DENND1A: variants seen among roughly 807,000 people sequenced by gnomAD.
DENND1A encodes DENN domain-containing protein 1A.
A neutral mutation model predicts 113.7 loss-of-function variants in DENND1A; 51 were observed. That is an observed-to-expected ratio of 0.45 (90% confidence interval 0.36 to 0.57). The LOEUF is 0.57. Ranked by LOEUF, DENND1A falls within the 20% of genes least tolerant of loss-of-function variation. DENND1A has a pLI of 0.00. For missense variants in DENND1A, 1,258 were observed against 1,395.9 expected (o/e 0.90, Z 1.57); for synonymous variants, 565 against 570.8 (o/e 0.99, Z 0.14).
At position 123,493,586 on chromosome 9, in the gene DENND1A, C is replaced by T. The variant is rs569051430; in HGVS notation, c.994-35689G>A. Among the ~76,000 whole-genome samples the T allele has an allele frequency of 2.2e-4, 33 of 152,250 alleles. 1 individual carries two copies. Among genetic ancestry groups the T allele is most frequent in the Admixed American group, 1.7e-3 (26 of 15,294 alleles). Reference sequence around the variant, plus strand: ...ATCCAGAAGACATCCACAGAGTGTCCGTTACAGGGAGTCCCTGCCCTATGC... The same window carrying T: ...ATCCAGAAGACATCCACAGAGTGTCTGTTACAGGGAGTCCCTGCCCTATGC... On this transcript the variant is annotated intron_variant, in intron 13 of 23. Coordinates refer to ENST00000394215, the MANE Select transcript of DENND1A (RefSeq NM_001352964.2).
intron 3 of DENND1A, among the ~76,000 whole-genome samples, 176 bp downstream of exon 3, chr9:123,792,411 C>T (rs1428020361): frequency 6.6e-6 from 1 of 152,102 alleles, no homozygotes; most frequent in Non-Finnish European, 1.5e-5. Context: ...AAATCTAGCA[C>T]CAATATTTTC....
At chr9:123,447,099 T>A (rs2047363268) in intron 18 of DENND1A, among the ~76,000 whole-genome samples, 1 of 152,120 alleles carries the variant, frequency 6.6e-6, no homozygotes, top group Admixed American at 6.5e-5. Context: ...CATGAGCCCA[T>A]CCAGGAGGCA....
chr9:123,424,470 G>A (rs1482883107), intron 19 of DENND1A, among the ~76,000 whole-genome samples: 3 of 152,148 alleles, frequency 2.0e-5, no homozygotes, highest in Non-Finnish European at 4.4e-5. Flanking sequence ...CCTAGATTAG[G>A]CTCCCACCAG....
At chr9:123,580,477 G>C (rs557424231) in intron 12 of DENND1A, among the ~76,000 whole-genome samples, 1 of 152,326 alleles carries the variant, frequency 6.6e-6, no homozygotes, top group East Asian at 1.9e-4. Flanking sequence ...TTGCTGCTCA[G>C]TGCCAGCACA....
chr9:123,783,609 C>G (rs1411396256), intron 3 of DENND1A, among the ~76,000 whole-genome samples: 3 of 152,202 alleles, frequency 2.0e-5, no homozygotes, highest in African/African-American at 7.2e-5. Context: ...ACTATCTCTA[C>G]TTTCTAGATG....
intron 20 of DENND1A, among the ~76,000 whole-genome samples, chr9:123,410,885 T>G (rs2044253920): frequency 6.6e-6 from 1 of 151,912 alleles, no homozygotes; most frequent in African/African-American, 2.4e-5. Flanking sequence ...TCCTGGATGG[T>G]TTCCCACTTT....
chr9:123,543,499 A>C (rs1488147640), intron 13 of DENND1A, among the ~76,000 whole-genome samples: 1 of 152,216 alleles, frequency 6.6e-6, no homozygotes, highest in African/African-American at 2.4e-5. Context: ...GGCTTATGAC[A>C]TTAGTGCTGA....
At chr9:123,698,567 A>C (rs182745150) in intron 5 of DENND1A, among the ~76,000 whole-genome samples, 60 of 152,328 alleles carry the variant, frequency 3.9e-4, no homozygotes, top group Non-Finnish European at 7.1e-4. Flanking sequence ...AACATTATAT[A>C]ATTTCATTTA....
At chr9:123,441,508 G>A (rs938799982) in intron 18 of DENND1A, among the ~76,000 whole-genome samples, 1 of 152,154 alleles carries the variant, frequency 6.6e-6, no homozygotes, top group Non-Finnish European at 1.5e-5. Context: ...TGCTTCTGAT[G>A]ACTGAAGTCA....
At chr9:123,880,748 A>G (rs1431423532) in intron 1 of DENND1A, among the ~76,000 whole-genome samples, 3 of 152,212 alleles carry the variant, frequency 2.0e-5, no homozygotes, top group East Asian at 1.9e-4. Context: ...AAACATGGCC[A>G]GGACCAGAAC....
At chr9:123,520,526 C>T (rs1564641715) in intron 13 of DENND1A, among the ~76,000 whole-genome samples, 1 of 152,232 alleles carries the variant, frequency 6.6e-6, no homozygotes, top group Non-Finnish European at 1.5e-5. Flanking sequence ...AAATAGCAGC[C>T]ACCCTGAGCT....
chr9:123,763,938 GAAAGCAACT>G (rs2071254570), intron 4 of DENND1A, among the ~76,000 whole-genome samples: 1 of 151,936 alleles, frequency 6.6e-6, no homozygotes, highest in Non-Finnish European at 1.5e-5. Context: ...TAGAGAATCA[GAAAGCAACT>G]GAGTGGTGGT....
intron 2 of DENND1A, among the ~76,000 whole-genome samples, chr9:123,821,387 A>T (rs1381664504): frequency 6.6e-6 from 1 of 152,222 alleles, no homozygotes; most frequent in East Asian, 1.9e-4. Flanking sequence ...AATTATGTGA[A>T]GAATAAACAA....
At chr9:123,690,893 C>A (rs1232257684) in intron 5 of DENND1A, among the ~76,000 whole-genome samples, 1 of 152,234 alleles carries the variant, frequency 6.6e-6, no homozygotes, top group Non-Finnish European at 1.5e-5. Context: ...TACTCTCTAA[C>A]AAACTGGTCA....
chr9:123,776,465 G>C (rs1830489171), intron 3 of DENND1A, among the ~76,000 whole-genome samples: 1 of 152,074 alleles, frequency 6.6e-6, no homozygotes, highest in South Asian at 2.1e-4. Context: ...ATCATGGGTG[G>C]CTATACTTTT....
intron 13 of DENND1A, among the ~76,000 whole-genome samples, chr9:123,507,446 C>T (rs1039015008): frequency 1.3e-5 from 2 of 152,204 alleles, no homozygotes; most frequent in Non-Finnish European, 2.9e-5. Context: ...AGCAGACCAA[C>T]TCATTCATTA....
chr9:123,831,278 A>G (rs1433008010), intron 2 of DENND1A, among the ~76,000 whole-genome samples: 1 of 152,194 alleles, frequency 6.6e-6, no homozygotes, highest in Non-Finnish European at 1.5e-5. Context: ...AATAACTGAA[A>G]GAAATGACAA....
intron 9 of DENND1A, among the ~76,000 whole-genome samples, chr9:123,646,176 T>G (rs888698488): frequency 6.6e-6 from 1 of 152,220 alleles, no homozygotes; most frequent in Non-Finnish European, 1.5e-5. Flanking sequence ...GGCTGTGTTC[T>G]GAGAGCTATG....
intron 2 of DENND1A, among the ~76,000 whole-genome samples, chr9:123,821,139 T>C (rs2132613138): frequency 6.6e-6 from 1 of 152,320 alleles, no homozygotes; most frequent in East Asian, 1.9e-4. Flanking sequence ...CCAGGTAAGT[T>C]TTTTAAAATC....
Sources: allele counts gnomAD v4.1 joint callset (sites outside exome capture counted in the v4.1 genomes callset), GRCh38; gene constraint gnomAD v4.1.1; transcripts MANE v1.5; gene names NCBI Gene and HGNC (gene_info 2026-07-23, HGNC 2026-07-21).